PTPRG: variants seen among roughly 807,000 people sequenced by gnomAD.
The protein encoded by PTPRG is receptor-type tyrosine-protein phosphatase gamma.
Under a neutral mutation model 165.3 loss-of-function variants are expected in PTPRG, and 102 were observed. The ratio of observed to expected loss-of-function variants is 0.62; its 90% CI spans 0.53 to 0.73. The LOEUF is 0.73. Ranked by LOEUF, PTPRG falls within the 30% of genes least tolerant of loss-of-function variation. The pLI is 0.00. For synonymous variants in PTPRG, 675 were observed against 669.5 expected, an observed-to-expected ratio of 1.01 and a Z score of -0.13; for missense variants, 1,866 against 1,861.4, an observed-to-expected ratio of 1.00 and a Z score of -0.05.
Position 61,609,574 on chromosome 3 carries a change from A to G in PTPRG, c.85+47202A>G, listed in dbSNP as rs921614818. Among the ~76,000 whole-genome samples, 51 of 152,214 alleles carry G rather than the reference A, an allele frequency of 3.4e-4. 1 individual carries two copies. Among genetic ancestry groups the G allele is most frequent in the Non-Finnish European group, 1.6e-4 (11 of 68,040 alleles). ...CTTTCTTTTTTTAAAATAAGAAATA[A>G]GACTGGGTGTGGTGGCTCATGCCTG... On this transcript the variant is annotated intron_variant, in intron 1 of 29. Transcript: ENST00000474889.
chr3:61,871,494 A>G (rs1035113790), intron 2 of PTPRG, among the ~76,000 whole-genome samples: 2 of 152,050 alleles, frequency 1.3e-5, no homozygotes, highest in Non-Finnish European at 2.9e-5. Flanking sequence ...ATGAGCTACC[A>G]CACCCGGCCC....
intron 2 of PTPRG, among the ~76,000 whole-genome samples, chr3:61,968,062 A>T (rs999168933): frequency 2.0e-5 from 3 of 152,176 alleles, no homozygotes; most frequent in African/African-American, 7.2e-5. Context: ...GAAGAGAGAA[A>T]TTCCTTACAG....
At chr3:61,579,019 G>A (rs1700225089) in intron 1 of PTPRG, among the ~76,000 whole-genome samples, 1 of 152,118 alleles carries the variant, frequency 6.6e-6, no homozygotes, top group South Asian at 2.1e-4. Context: ...GCCCCATCTC[G>A]AGCCTTGGAA....
intron 2 of PTPRG, among the ~76,000 whole-genome samples, chr3:61,813,332 AAAAAAAAAAAAAAAT>A (rs2107219701): frequency 6.7e-6 from 1 of 149,752 alleles, no homozygotes; most frequent in African/African-American, 2.5e-5. Flanking sequence ...ATTACTAAAA[AAAAAAAAAAAAAAAT>A]AGAAAAAAAA....
chr3:62,076,494 T>TTTG (rs1701390162), intron 4 of PTPRG, among the ~76,000 whole-genome samples: 6 of 151,852 alleles, frequency 4.0e-5, no homozygotes, highest in Non-Finnish European at 5.9e-5. Context: ...GTCTGGTTTT[T>TTTG]TTTGTTTGTT....
Position 61,807,630 on chromosome 3 carries a change from A to G in PTPRG, c.190+58648A>G, listed in dbSNP as rs186982780. ...GTTGTTGGAATAATCTAAGACTGCT[A>G]GAAAATAACATATATACACATATGT... On this transcript the variant is annotated intron_variant, in intron 2 of 29. Transcript: ENST00000474889. Among the ~76,000 whole-genome samples the G allele has an allele frequency of 1.1e-4, 16 of 152,376 alleles. No homozygotes were observed. In the East Asian group the frequency reaches 3.1e-3, roughly 29 times the overall value.
intron 1 of PTPRG, among the ~76,000 whole-genome samples, chr3:61,691,742 G>C (rs1328357302): frequency 6.6e-6 from 1 of 152,136 alleles, no homozygotes; most frequent in Non-Finnish European, 1.5e-5. Flanking sequence ...TTTCCCTGGG[G>C]CCACCATTTT....
intron 2 of PTPRG, among the ~76,000 whole-genome samples, chr3:61,921,729 A>G (rs1406798): frequency 0.39 from 59,587 of 152,080 alleles, 12,935 homozygotes; most frequent in African/African-American, 0.57. Flanking sequence ...ATTTGAAAAT[A>G]TTCCAAAATT....
At chr3:61,704,282 A>C (rs1157767140) in intron 1 of PTPRG, among the ~76,000 whole-genome samples, 1 of 152,072 alleles carries the variant, frequency 6.6e-6, no homozygotes, top group Non-Finnish European at 1.5e-5. Context: ...ACCATTTAGG[A>C]TTGTTGGAGC....
chr3:61,642,898 A>G (rs1702103764), intron 1 of PTPRG, among the ~76,000 whole-genome samples: 1 of 152,138 alleles, frequency 6.6e-6, no homozygotes, highest in Non-Finnish European at 1.5e-5. Context: ...CAGAGACAAT[A>G]AGCTGTTGTT....
Position 61,742,901 on chromosome 3 carries a change from C to G in PTPRG, c.86-5977C>G. On this transcript the variant is annotated intron_variant, in intron 1 of 29. Coordinates refer to ENST00000474889, the MANE Select transcript of PTPRG (RefSeq NM_002841.4). ...TTAGCCTCGTCACAGTGCTGCTGGT[C>G]CCCCAGGACACACACACACAACTTA... The G allele has an allele frequency of 2.7e-6, 4 of 1,478,242 alleles. 1 individual carries two copies. In the South Asian group the frequency reaches 4.5e-5, roughly 17 times the overall value. 91.6% of individuals were successfully genotyped at this position (1,478,242 alleles called of 1,614,324 possible).
intron 28 of PTPRG, among the ~76,000 whole-genome samples, chr3:62,284,936 CCT>C (rs2148893648): frequency 6.6e-6 from 1 of 152,228 alleles, no homozygotes; most frequent in East Asian, 1.9e-4. Context: ...CCCTGCAAAT[CCT>C]CTTTCCTCTG....
In PTPRG at chr3:62,292,446, T is replaced by C. The variant is rs1340624853; in HGVS notation, c.4081T>C (p.Leu1361=). 1 of 1,613,530 alleles carries C rather than the reference T, an allele frequency of 6.2e-7. No individual in the cohort carries two copies. The highest frequency in any genetic ancestry group is 1.7e-5 in the Admixed American group (1 of 59,968). Residue 1361 remains leucine, a synonymous_variant, in exon 29 of 30, where the codon TTA becomes CTA. Coordinates refer to ENST00000474889, the MANE Select transcript of PTPRG (RefSeq NM_002841.4). ...GTATGGAGCAGTTTCAGCAGGAATG[T>C]TATGTGCCCTTACCACCCTGTCCCA... The part of the protein sequence containing the change: ...DEYGAVSAGM[L]CALTTLSQQL...
At chr3:61,654,957 T>G (rs890611854) in intron 1 of PTPRG, among the ~76,000 whole-genome samples, 1 of 147,068 alleles carries the variant, frequency 6.8e-6, no homozygotes, top group Non-Finnish European at 1.5e-5. Flanking sequence ...ACTTTTTGTA[T>G]TTTTTTTTTA....
intron 1 of PTPRG, among the ~76,000 whole-genome samples, chr3:61,580,151 G>C (rs1043875374): frequency 6.6e-6 from 1 of 152,140 alleles, no homozygotes; most frequent in African/African-American, 2.4e-5. Context: ...GGGGAGTCCA[G>C]AGTTGTACTC....
In PTPRG at chr3:61,565,348, C is replaced by G. The variant is rs1575504689; in HGVS notation, c.85+2976C>G. Among the ~76,000 whole-genome samples, 4 of 152,284 alleles carry G rather than the reference C, an allele frequency of 2.6e-5. No homozygotes were observed. The South Asian group carries it at 8.3e-4, about 32-fold the overall frequency. On this transcript the variant is annotated intron_variant, in intron 1 of 29. Coordinates refer to ENST00000474889, the MANE Select transcript of PTPRG (RefSeq NM_002841.4). ...AGGCATATTACATTGCTATATACAT[C>G]TTTATAAAGCACTGTAGAAACGTTT...
intron 2 of PTPRG, among the ~76,000 whole-genome samples, chr3:61,783,891 G>C (rs2034616099): frequency 6.6e-6 from 1 of 152,164 alleles, no homozygotes; most frequent in Non-Finnish European, 1.5e-5. Flanking sequence ...TCTGTGCAGT[G>C]ATTGACTGAG....
intron 29 of PTPRG, 53 bp from the exon 30 acceptor site, chr3:62,293,108 G>T: frequency 7.1e-7 from 1 of 1,408,482 alleles, no homozygotes. Context: ...TCCACCTTAT[G>T]TGAAATCACT....
At chr3:61,706,532 C>T (rs931820282) in intron 1 of PTPRG, among the ~76,000 whole-genome samples, 2 of 148,262 alleles carry the variant, frequency 1.3e-5, no homozygotes, top group Non-Finnish European at 3.0e-5. Flanking sequence ...TCGCTCTTGT[C>T]CCCCAGGCTG....
Sources: allele counts gnomAD v4.1 joint callset (sites outside exome capture counted in the v4.1 genomes callset), GRCh38; gene constraint gnomAD v4.1.1; transcripts MANE v1.5; gene names NCBI Gene and HGNC (gene_info 2026-07-23, HGNC 2026-07-21).